The following CSNK1G3 variants were observed in gnomAD, a reference collection of about 807,000 sequenced individuals.
CSNK1G3 encodes the protein casein kinase 1 gamma 3.
A neutral mutation model predicts 64.3 loss-of-function variants in CSNK1G3; 23 were observed. The ratio of observed to expected loss-of-function variants is 0.36; its 90% CI spans 0.26 to 0.51. The LOEUF (loss-of-function observed/expected upper bound fraction) is 0.51, where lower values mean the gene tolerates loss of function less well. Among genes scored for constraint, CSNK1G3 ranks in the 20% least tolerant of loss-of-function variants. The probability of loss-of-function intolerance (pLI) is 0.96; values close to 1 mark genes in which losing one functional copy is unlikely to be tolerated. For synonymous variants in CSNK1G3, 158 were observed against 162.2 expected (o/e 0.97, Z 0.20); for missense variants, 357 against 510.5 (o/e 0.70, Z 2.90).
intron 10 of CSNK1G3, among the ~76,000 whole-genome samples, chr5:123,599,361 G>T (rs1794030751): frequency 6.6e-6 from 1 of 152,196 alleles, no homozygotes; most frequent in Admixed American, 6.5e-5. Flanking sequence ...TACAAATGGT[G>T]CAGATATGTT....
chr5:123,566,227 T>G (rs1431901172), intron 4 of CSNK1G3, among the ~76,000 whole-genome samples: 1 of 152,178 alleles, frequency 6.6e-6, no homozygotes, highest in Non-Finnish European at 1.5e-5. Flanking sequence ...AATGAGATAT[T>G]TAATGAAGTG....
At chr5:123,590,909 T>C (rs1281037351) in intron 9 of CSNK1G3, among the ~76,000 whole-genome samples, 4 of 152,070 alleles carry the variant, frequency 2.6e-5, no homozygotes, top group African/African-American at 9.7e-5. Flanking sequence ...CAAGTCAAAA[T>C]ATTGGAAATA....
intron 9 of CSNK1G3, 103 bp from the exon 10 acceptor site, chr5:123,591,216 A>T (rs1792284480): frequency 1.7e-6 from 1 of 578,000 alleles, no homozygotes; most frequent in Non-Finnish European, 2.9e-6. Context: ...TAGTTTATTT[A>T]ACAGTCTTTT....
chr5:123,585,605 A>T (rs1341500695), intron 6 of CSNK1G3, among the ~76,000 whole-genome samples: 1 of 152,224 alleles, frequency 6.6e-6, no homozygotes, highest in Non-Finnish European at 1.5e-5. Context: ...ATATACAAGG[A>T]ACTATTACAA....
intron 2 of CSNK1G3, among the ~76,000 whole-genome samples, chr5:123,547,449 CTGTG>C (rs556414583): frequency 6.6e-6 from 1 of 150,406 alleles, no homozygotes; most frequent in Admixed American, 6.6e-5. Context: ...AGGTATGTGT[CTGTG>C]TGTGTGTGTG....
intron 1 of CSNK1G3, among the ~76,000 whole-genome samples, chr5:123,527,115 G>A (rs1026105092): frequency 6.6e-6 from 1 of 152,008 alleles, no homozygotes; most frequent in African/African-American, 2.4e-5. Context: ...CAGCAATATT[G>A]GGACAGTAAT....
intron 5 of CSNK1G3, among the ~76,000 whole-genome samples, chr5:123,574,906 A>T (rs1004185220): frequency 6.6e-6 from 1 of 152,226 alleles, no homozygotes; most frequent in East Asian, 1.9e-4. Context: ...GCAAATGCTC[A>T]TATCATTAAT....
chr5:123,546,428 T>TAAC (rs1782527877), intron 2 of CSNK1G3, among the ~76,000 whole-genome samples: 1 of 152,112 alleles, frequency 6.6e-6, no homozygotes, highest in South Asian at 2.1e-4. Flanking sequence ...TTAAGCTTCC[T>TAAC]AACTCTATAT....
At chr5:123,613,424 T>C (rs904347646) in intron 12 of CSNK1G3, among the ~76,000 whole-genome samples, 3 of 151,288 alleles carry the variant, frequency 2.0e-5, no homozygotes, top group Non-Finnish European at 1.5e-5. Flanking sequence ...TGTGTGTGTG[T>C]GTGTGTGTGC....
intron 9 of CSNK1G3, 142 bp downstream of exon 9, chr5:123,590,700 G>A (rs1421209731): frequency 6.2e-6 from 3 of 486,994 alleles, no homozygotes; most frequent in African/African-American, 4.0e-5. Flanking sequence ...ATTTCTGCAG[G>A]TAGTGCCGTA....
At chr5:123,556,620 T>C (rs928950593) in intron 3 of CSNK1G3, among the ~76,000 whole-genome samples, 3 of 152,108 alleles carry the variant, frequency 2.0e-5, no homozygotes, top group African/African-American at 7.2e-5. Flanking sequence ...ATTGATTCTT[T>C]TTGAAATTTT....
At chr5:123,614,155 A>G (rs993463477) in intron 12 of CSNK1G3, among the ~76,000 whole-genome samples, 187 bp from the exon 14 acceptor site, 1 of 152,226 alleles carries the variant, frequency 6.6e-6, no homozygotes, top group Admixed American at 6.5e-5. Flanking sequence ...CTTAAAAGGC[A>G]TGTGAATGAA....
At position 123,570,797 on chromosome 5, in the gene CSNK1G3, A is replaced by G. The variant is rs1787941025; in HGVS notation, c.290-2596A>G. On this transcript the variant is annotated intron_variant, in intron 4 of 12. Coordinates refer to ENST00000345990, the Ensembl canonical transcript of CSNK1G3. ...GTGGAATAAGTTATTAGAGATTGTTAAATTGAGAGGATGTAAATTAACAAC... is the reference window on the plus strand; with the variant it reads ...GTGGAATAAGTTATTAGAGATTGTTGAATTGAGAGGATGTAAATTAACAAC... Among the ~76,000 whole-genome samples, 3 of 152,234 alleles carry G rather than the reference A, an allele frequency of 2.0e-5. No homozygotes were observed. The South Asian group carries it at 6.2e-4, about 31-fold the overall frequency.
chr5:123,600,758 T>C (rs993971259), intron 10 of CSNK1G3, among the ~76,000 whole-genome samples: 5 of 152,332 alleles, frequency 3.3e-5, no homozygotes, highest in African/African-American at 1.2e-4. Context: ...GTTATGTCTG[T>C]ACTCTGAAAT....
At chr5:123,561,455 A>G (rs1785698502) in intron 4 of CSNK1G3, among the ~76,000 whole-genome samples, 1 of 152,206 alleles carries the variant, frequency 6.6e-6, no homozygotes, top group Admixed American at 6.5e-5. Flanking sequence ...TGAAAGCAGT[A>G]GCTTAAACAA....
chr5:123,574,011 G>C (rs1380193460), intron 5 of CSNK1G3, among the ~76,000 whole-genome samples: 2 of 151,894 alleles, frequency 1.3e-5, no homozygotes, highest in African/African-American at 4.8e-5. Flanking sequence ...CACTACGCCC[G>C]ACCAATTTTT....
chr5:123,601,768 G>A (rs1794540841), intron 10 of CSNK1G3, among the ~76,000 whole-genome samples: 1 of 152,056 alleles, frequency 6.6e-6, no homozygotes, highest in Non-Finnish European at 1.5e-5. Context: ...GTGGCATCCC[G>A]CTAGCTGTCT....
chr5:123,593,990 G>C (rs889092792), intron 10 of CSNK1G3, among the ~76,000 whole-genome samples: 20 of 152,152 alleles, frequency 1.3e-4, no homozygotes, highest in African/African-American at 4.6e-4. Flanking sequence ...TTTTCGTAAG[G>C]AGCTAGGTAG....
intron 3 of CSNK1G3, among the ~76,000 whole-genome samples, chr5:123,555,205 A>C (rs1369754915): frequency 6.6e-6 from 1 of 152,230 alleles, no homozygotes; most frequent in Non-Finnish European, 1.5e-5. Flanking sequence ...TGGGGGAACT[A>C]GGAATATTTT....
Sources: allele counts gnomAD v4.1 joint callset (sites outside exome capture counted in the v4.1 genomes callset), GRCh38; gene constraint gnomAD v4.1.1; transcripts MANE v1.5; gene names NCBI Gene and HGNC (gene_info 2026-07-23, HGNC 2026-07-21).